RASIP1: variants seen among roughly 807,000 people sequenced by gnomAD.
RASIP1 encodes Ras interacting protein 1.
RASIP1 carries 20 observed loss-of-function variants against 85.3 expected under a neutral mutation model. The ratio of observed to expected loss-of-function variants is 0.23; its 90% CI spans 0.17 to 0.34. The LOEUF (loss-of-function observed/expected upper bound fraction) is 0.34. RASIP1 is among the 10% of genes least tolerant of loss of function. The pLI is 1.00. For synonymous variants in RASIP1, 617 were observed against 647.1 expected, an observed-to-expected ratio of 0.95 and a Z score of 0.71; for missense variants, 1,170 against 1,390.9, an observed-to-expected ratio of 0.84 and a Z score of 2.53.
At position 48,729,411 on chromosome 19, in the gene RASIP1, G is replaced by A; in HGVS notation, c.1359C>T (p.Ser453=). 9 of 1,557,274 alleles carry A rather than the reference G, an allele frequency of 5.8e-6. No individual in the cohort carries two copies. Among genetic ancestry groups the A allele is most frequent in the Non-Finnish European group, 7.8e-6 (9 of 1,150,964 alleles). Residue 453 remains serine, a synonymous_variant, in exon 5 of 12, where the codon TCC becomes TCT. Coordinates refer to ENST00000222145, the MANE Select transcript of RASIP1 (RefSeq NM_017805.3). The part of the protein sequence containing the change: ...GPEHPAMVRP[S]RGAPVTHNGC... ...CGTTGTGCGTGACTGGGGCGCCCCG[G>A]GACGGGCGCACCATGGCCGGGTGCT...
intron 10 of RASIP1, among the ~76,000 whole-genome samples, chr19:48,723,838 C>CG (rs1451799991): frequency 7.0e-6 from 1 of 142,784 alleles, no homozygotes; most frequent in Non-Finnish European, 1.5e-5. Context: ...GACAGGGTCT[C>CG]GCTCTGTCGC....
At chr19:48,728,599 C>T (rs1272385305) in intron 5 of RASIP1, among the ~76,000 whole-genome samples, 1 of 152,042 alleles carries the variant, frequency 6.6e-6, no homozygotes, top group Non-Finnish European at 1.5e-5. Context: ...CCCCGTCTTA[C>T]TAAAAATACA....
Position 48,729,312 on chromosome 19 carries a change from C to T in RASIP1, c.1458G>A (p.Met486Ile). The T allele has an allele frequency of 1.9e-6, 3 of 1,558,512 alleles. No homozygotes were observed. Among genetic ancestry groups the T allele is most frequent in the Non-Finnish European group, 2.6e-6 (3 of 1,152,034 alleles). Residue 486 changes from methionine (M) to isoleucine (I), a missense_variant, in exon 5 of 12, where the codon ATG (methionine) becomes ATA (isoleucine). Physicochemically the swap from Met to Ile is conservative, Grantham distance 10. Transcript: ENST00000222145. The part of the protein sequence containing the change: ...LLGLGEHFLF[M>I]YKDPRTGGSG... ...AGCCCCCAGTGCGGGGGTCCTTGTA[C>T]ATGAACAGGAAGTGCTCGCCCAGCC...
chr19:48,724,799 C>T lies in RASIP1; in HGVS notation c.2289G>A (p.Leu763=), dbSNP rs761318658. The T allele has an allele frequency of 9.3e-6, 15 of 1,614,224 alleles. No individual in the cohort carries two copies. Among genetic ancestry groups the T allele is most frequent in the Admixed American group, 1.7e-5 (1 of 60,024 alleles). Reference sequence around the variant, plus strand: ...AAGTCTGAGACACGAGGTCAGGGTGCAGCTCGCACTGGCTGGTCAGCTCCA... The same window carrying T: ...AAGTCTGAGACACGAGGTCAGGGTGTAGCTCGCACTGGCTGGTCAGCTCCA... ...AALELTSQCE[L]HPDLVSQTFG... Residue 763 remains leucine, a synonymous_variant, in exon 9 of 12, where the codon CTG becomes CTA. Transcript: ENST00000222145. This position sits in a 1 kb window ranked among gnomAD's most constrained non-coding sequence, Gnocchi z 4.6.
In RASIP1 at chr19:48,729,238, G is replaced by A. The variant is rs1452872421; in HGVS notation, c.1532C>T (p.Pro511Leu). 7.1e-7 allele frequency: 1 copy of A among 1,405,974 alleles called. No homozygotes were observed. The highest frequency in any genetic ancestry group is 9.2e-7 in the Non-Finnish European group (1 of 1,085,152). 87.1% of individuals were successfully genotyped at this position (1,405,974 alleles called of 1,614,324 possible). Residue 511 changes from proline to leucine, a missense_variant, in exon 5 of 12, where the codon CCG (proline) becomes CTG (leucine). By Grantham distance (98) the Pro-to-Leu change is moderately conservative (BLOSUM62 -3). This residue lies in a region of RASIP1 where 426 missense variants were observed against 576.2 expected (regional missense o/e 0.74). Coordinates refer to ENST00000222145, the MANE Select transcript of RASIP1 (RefSeq NM_017805.3). ...PWLPARPGAT[P>L]PGPGWAFSCR... ...GGAGAAGGCCCAGCCAGGGCCTGGC[G>A]GCGTGGCCCCGGGGCGCGCGGGCAG...
Position 48,739,004 on chromosome 19 carries a change from G to A in RASIP1, c.779C>T (p.Ala260Val). 6 of 1,239,090 alleles carry A rather than the reference G, an allele frequency of 4.8e-6. No individual in the cohort carries two copies. The highest frequency in any genetic ancestry group is 6.0e-6 in the Non-Finnish European group (6 of 996,552). The allele number at this position is 1,239,090 out of a possible 1,614,324, so 76.8% of individuals were successfully genotyped here. ...RRFELRGREE[A>V]RRLEQEAFGA... ...GAAGGCCTCCTGCTCCAGGCGCCGC[G>A]CCTCCTCGCGGCCGCGCAACTCGAA... Residue 260 changes from alanine (A) to valine (V), a missense_variant, in exon 3 of 12, where the codon GCG becomes GTG. Coordinates refer to ENST00000222145, the MANE Select transcript of RASIP1 (RefSeq NM_017805.3). This position sits in a 1 kb window ranked among gnomAD's most constrained non-coding sequence, Gnocchi z 9.2.
chr19:48,723,860 T>A (rs1601271853), intron 10 of RASIP1, among the ~76,000 whole-genome samples: 1 of 144,968 alleles, frequency 6.9e-6, no homozygotes, highest in South Asian at 2.2e-4. Flanking sequence ...CCGGCTGGAG[T>A]GCAATGGTGC....
At position 48,721,883 on chromosome 19, in the gene RASIP1, G is replaced by A; in HGVS notation, c.2663C>T (p.Pro888Leu). Reference sequence around the variant, plus strand: ...GTCCACAGCCTCCCGCTCTGCAGGGGGAGGGTCCCACGCGGCTGGCGGCCC... The same window carrying A: ...GTCCACAGCCTCCCGCTCTGCAGGGAGAGGGTCCCACGCGGCTGGCGGCCC... ...GRGPPAAWDPPPAEREAVDTG... is the reference protein window; with the variant it reads ...GRGPPAAWDPLPAEREAVDTG... Residue 888 changes from proline to leucine, a missense_variant, in exon 11 of 12, where the codon CCC becomes CTC. Pro to Leu is a moderately conservative substitution (Grantham distance 98). Transcript: ENST00000222145. 1.2e-6 allele frequency: 2 copies of A among 1,607,434 alleles called. No homozygotes were observed. Among genetic ancestry groups the A allele is most frequent in the Non-Finnish European group, 8.5e-7 (1 of 1,177,070 alleles).
chr19:48,740,134 G>A lies in RASIP1; in HGVS notation c.137+12C>T. ...TGTGCAGGGGCAGGAGTCCTGCAGAGATGGCACTCACTTGACAGAGGCTGC... is the reference window on the plus strand; with the variant it reads ...TGTGCAGGGGCAGGAGTCCTGCAGAAATGGCACTCACTTGACAGAGGCTGC... On this transcript the variant is annotated intron_variant, in intron 2 of 11. Transcript: ENST00000222145. The surrounding 1 kb of genome is among the most constrained non-coding windows in gnomAD (Gnocchi z 5.5). The A allele has an allele frequency of 2.5e-6, 4 of 1,583,656 alleles. No homozygotes were observed. Among genetic ancestry groups the A allele is most frequent in the Non-Finnish European group, 3.4e-6 (4 of 1,168,952 alleles).
chr19:48,727,339 G>A (rs374473888), intron 6 of RASIP1, 54 bp downstream of exon 6: 16 of 1,593,622 alleles, frequency 1.0e-5, no homozygotes, highest in Middle Eastern at 1.8e-4. Flanking sequence ...AGAACTAGAC[G>A]CAAAACCCAA....
At chr19:48,721,330 G>A (rs942473434) in intron 11 of RASIP1, among the ~76,000 whole-genome samples, 19 of 152,102 alleles carry the variant, frequency 1.2e-4, no homozygotes, top group African/African-American at 4.6e-4. Flanking sequence ...TGGTGGGTGG[G>A]TGGCTGGTGG....
Position 48,721,867 on chromosome 19 carries a change from C to A in RASIP1, c.2679G>T (p.Glu893Asp). Residue 893 changes from glutamate to aspartate, a missense_variant, in exon 11 of 12, where the codon GAG (glutamate) becomes GAT (aspartate). Transcript: ENST00000222145. Reference protein sequence around the residue: ...AAWDPPPAEREAVDTGDIFES... With the variant: ...AAWDPPPAERDAVDTGDIFES... Reference sequence around the variant, plus strand: ...ATTGCTCCTCACCTGTGTCCACAGCCTCCCGCTCTGCAGGGGGAGGGTCCC... The same window carrying A: ...ATTGCTCCTCACCTGTGTCCACAGCATCCCGCTCTGCAGGGGGAGGGTCCC... The A allele has an allele frequency of 1.2e-6, 2 of 1,606,694 alleles. No individual in the cohort carries two copies. The highest frequency in any genetic ancestry group is 1.7e-6 in the Non-Finnish European group (2 of 1,176,964).
In RASIP1 at chr19:48,720,772, T is replaced by G; in HGVS notation, c.*26A>C. 6.2e-7 allele frequency: 1 copy of G among 1,609,232 alleles called. No homozygotes were observed. The highest frequency in any genetic ancestry group is 8.5e-7 in the Non-Finnish European group (1 of 1,175,894). ...CGTAGAAGCCCGTGACATTTCAAGG[T>G]TCGCGCGCTCGTTTGGTATTGGTTC... On this transcript the variant is annotated 3_prime_UTR_variant, in exon 12 of 12. Coordinates refer to ENST00000222145, the MANE Select transcript of RASIP1 (RefSeq NM_017805.3).
intron 8 of RASIP1, 42 bp from the exon 9 acceptor site, chr19:48,725,002 C>A (rs1180791066): frequency 2.5e-6 from 4 of 1,595,980 alleles, no homozygotes; most frequent in African/African-American, 1.3e-5. Flanking sequence ...TGGACTACAA[C>A]TCCCAGGAAG....
At position 48,728,930 on chromosome 19, in the gene RASIP1, C is replaced by A; in HGVS notation, c.1833+7G>T. 6.9e-7 allele frequency: 1 copy of A among 1,439,662 alleles called. No homozygotes were observed. The allele number at this position is 1,439,662 out of a possible 1,614,324, so 89.2% of individuals were successfully genotyped here. ...GTGGGGCTGGACGGCGATTGGGGGG[C>A]GCTCACCCAGACGGCCTCCTTGATG... On this transcript the variant is annotated splice_region_variant and intron_variant, in intron 5 of 11. Coordinates refer to ENST00000222145, the MANE Select transcript of RASIP1 (RefSeq NM_017805.3).
chr19:48,729,662 C>G, intron 4 of RASIP1, 72 bp from the exon 5 acceptor site: 4 of 1,213,586 alleles, frequency 3.3e-6, no homozygotes, highest in Non-Finnish European at 4.6e-6. Context: ...TCTCTGTTTT[C>G]TACAACAACT....
chr19:48,729,991 A>G (rs1463943257), intron 4 of RASIP1, among the ~76,000 whole-genome samples: 1 of 152,008 alleles, frequency 6.6e-6, no homozygotes, highest in Non-Finnish European at 1.5e-5. Flanking sequence ...CTGGGATTAC[A>G]GGCGTGAACT....
intron 4 of RASIP1, among the ~76,000 whole-genome samples, chr19:48,731,012 A>G (rs1409085046): frequency 5.3e-5 from 8 of 152,034 alleles, no homozygotes; most frequent in Non-Finnish European, 1.5e-5. Flanking sequence ...GTGAGACTCA[A>G]AAAAAAGAGG....
Position 48,735,365 on chromosome 19 carries a change from C to T in RASIP1, c.1010G>A (p.Arg337Gln). The change falls in exon 4 of 12, where the codon CGG becomes CAG. Residue 337 changes from arginine (R) to glutamine (Q), a missense_variant. Physicochemically the swap from Arg to Gln is conservative, Grantham distance 43. Coordinates refer to ENST00000222145, the MANE Select transcript of RASIP1 (RefSeq NM_017805.3). ...VSELSLQGRR[R>Q]RQQERRQQAL... ...CTGCTGTCTCCGCTCCTGCTGCCGC[C>T]GCCGCCGCCCCTGAAGGCTAAGCTC... The T allele has an allele frequency of 1.9e-6, 3 of 1,613,088 alleles. No individual in the cohort carries two copies. Among genetic ancestry groups the T allele is most frequent in the Non-Finnish European group, 2.5e-6 (3 of 1,179,838 alleles).
Sources: allele counts gnomAD v4.1 joint callset (sites outside exome capture counted in the v4.1 genomes callset), GRCh38; gene constraint gnomAD v4.1.1; regional missense constraint gnomAD v4.1.1; non-coding constraint Gnocchi (gnomAD v3.1); transcripts MANE v1.5; gene names NCBI Gene and HGNC (gene_info 2026-07-23, HGNC 2026-07-21).